Variants in CDH13 observed in about 807,000 individuals in gnomAD.
CDH13 encodes the protein cadherin-13.
CDH13 carries 24 observed loss-of-function variants against 63.8 expected under a neutral mutation model. The ratio of observed to expected loss-of-function variants is 0.38; its 90% CI spans 0.27 to 0.53. The LOEUF is 0.53. Ranked by LOEUF, CDH13 falls within the 20% of genes least tolerant of loss-of-function variation. The probability of loss-of-function intolerance (pLI) is 0.85; values close to 1 mark genes in which losing one functional copy is unlikely to be tolerated. For missense variants in CDH13, 1,049 were observed against 903.1 expected, an observed-to-expected ratio of 1.16 and a Z score of -2.07; for synonymous variants, 503 against 355.3, an observed-to-expected ratio of 1.42 and a Z score of -4.67.
chr16:83,684,882 A>T (rs1019303496), intron 10 of CDH13, among the ~76,000 whole-genome samples: 1 of 150,636 alleles, frequency 6.6e-6, no homozygotes, highest in East Asian at 1.9e-4. Flanking sequence ...ACGGAAGTTG[A>T]TTTTTTTTTT....
At chr16:82,658,047 C>G (rs146115455) in intron 1 of CDH13, among the ~76,000 whole-genome samples, 79 of 152,232 alleles carry the variant, frequency 5.2e-4, no homozygotes, top group African/African-American at 1.7e-3. Flanking sequence ...TAGTTGTAGG[C>G]TTTTTGTAGT....
intron 5 of CDH13, among the ~76,000 whole-genome samples, chr16:83,284,671 CAT>C (rs1191549280): frequency 1.3e-5 from 2 of 151,814 alleles, no homozygotes; most frequent in African/African-American, 4.8e-5. Flanking sequence ...CATAACATAA[CAT>C]AGCGTAATAT....
intron 13 of CDH13, chr16:83,790,205 C>G (rs1916168254): frequency 6.6e-6 from 1 of 152,160 alleles, no homozygotes; most frequent in Admixed American, 6.6e-5. Context: ...GACTGCCTCC[C>G]TTACAGAAAA....
At chr16:83,289,379 T>C (rs549188100) in intron 5 of CDH13, among the ~76,000 whole-genome samples, 73 of 152,308 alleles carry the variant, frequency 4.8e-4, no homozygotes, top group African/African-American at 1.5e-3. Context: ...ACTGTGGGTG[T>C]ACATCACAAT....
intron 3 of CDH13, among the ~76,000 whole-genome samples, chr16:83,113,342 C>G (rs2035152046): frequency 6.6e-6 from 1 of 152,232 alleles, no homozygotes; most frequent in Non-Finnish European, 1.5e-5. Flanking sequence ...AATCGTGGAG[C>G]AAATACTCTG....
intron 8 of CDH13, among the ~76,000 whole-genome samples, chr16:83,658,805 C>T (rs1481246080): frequency 6.9e-5 from 10 of 145,162 alleles, no homozygotes; most frequent in Non-Finnish European, 6.0e-5. Flanking sequence ...ACCACCAGGT[C>T]CCATATCCTC....
chr16:82,978,297 A>G (rs930283240), intron 2 of CDH13, among the ~76,000 whole-genome samples: 3 of 152,364 alleles, frequency 2.0e-5, no homozygotes, highest in Admixed American at 6.5e-5. Flanking sequence ...AGAAAAACCT[A>G]TTTTATGGGG....
intron 1 of CDH13, among the ~76,000 whole-genome samples, chr16:82,804,351 T>G (rs2037039527): frequency 6.6e-6 from 1 of 150,762 alleles, no homozygotes; most frequent in African/African-American, 2.5e-5. Flanking sequence ...AATGAAGCTT[T>G]TAGAGGTGAT....
intron 3 of CDH13, among the ~76,000 whole-genome samples, chr16:83,092,420 T>C (rs1242566880): frequency 6.6e-6 from 1 of 152,222 alleles, no homozygotes; most frequent in East Asian, 1.9e-4. Context: ...TCTTAGATGA[T>C]TAAAACAAGG....
At chr16:83,226,178 G>C (rs910817773) in intron 5 of CDH13, among the ~76,000 whole-genome samples, 1 of 152,064 alleles carries the variant, frequency 6.6e-6, no homozygotes, top group African/African-American at 2.4e-5. Flanking sequence ...TCGTCTCTTC[G>C]TATTTCCAAG....
intron 1 of CDH13, among the ~76,000 whole-genome samples, chr16:82,831,184 A>T (rs2038525158): frequency 6.6e-6 from 1 of 152,148 alleles, no homozygotes; most frequent in Non-Finnish European, 1.5e-5. Flanking sequence ...GATGATTTGC[A>T]TACACAGTGG....
chr16:82,878,973 T>A (rs928534832), intron 2 of CDH13, among the ~76,000 whole-genome samples: 1 of 152,132 alleles, frequency 6.6e-6, no homozygotes, highest in African/African-American at 2.4e-5. Context: ...AGTTTCCCTG[T>A]TTGCTGATGT....
intron 7 of CDH13, among the ~76,000 whole-genome samples, chr16:83,588,335 G>A (rs1906379454): frequency 6.6e-6 from 1 of 152,192 alleles, no homozygotes; most frequent in Non-Finnish European, 1.5e-5. Flanking sequence ...AGAGCAACCT[G>A]AGGCCAAATT....
At chr16:83,781,268 T>C (rs1479817871) in intron 12 of CDH13, among the ~76,000 whole-genome samples, 1 of 152,176 alleles carries the variant, frequency 6.6e-6, no homozygotes, top group East Asian at 1.9e-4. Context: ...ACCCACTTTC[T>C]TCCCCAAATG....
At chr16:82,766,296 C>T (rs776228341) in intron 1 of CDH13, among the ~76,000 whole-genome samples, 6 of 152,092 alleles carry the variant, frequency 3.9e-5, no homozygotes, top group Non-Finnish European at 7.4e-5. Context: ...CCCGTAAATC[C>T]GTAGCTGATA....
rs550380264 is a variant in CDH13 at position 83,475,695 on chromosome 16, C to G, written c.782-10782C>G. Among the ~76,000 whole-genome samples, 3 of 152,288 alleles carry G rather than the reference C, an allele frequency of 2.0e-5. No homozygotes were observed. The East Asian group carries it at 5.8e-4, about 29-fold the overall frequency. Reference sequence around the variant, plus strand: ...CTCTCGTGTTCAAGCAGTTCTCACACCTCAGCCTCCCCAGTAACTAGGATT... The same window carrying G: ...CTCTCGTGTTCAAGCAGTTCTCACAGCTCAGCCTCCCCAGTAACTAGGATT... On this transcript the variant is annotated intron_variant, in intron 6 of 13. Transcript: ENST00000567109.
chr16:83,132,865 A>G (rs1370863259), intron 4 of CDH13, among the ~76,000 whole-genome samples: 1 of 152,214 alleles, frequency 6.6e-6, no homozygotes, highest in Non-Finnish European at 1.5e-5. Flanking sequence ...TGAGATGAAC[A>G]TCACAGTTTA....
intron 2 of CDH13, among the ~76,000 whole-genome samples, chr16:82,995,154 G>T (rs1157526527): frequency 1.3e-5 from 2 of 152,174 alleles, no homozygotes; most frequent in African/African-American, 4.8e-5. Context: ...GGGATGGAGA[G>T]ACCCCAACTA....
chr16:83,195,404 C>T lies in CDH13; in HGVS notation c.484-21941C>T, dbSNP rs897283612. 4.0e-4 allele frequency among the ~76,000 whole-genome samples: 61 copies of T among 152,124 alleles called. 2 individuals are homozygous for T. Among genetic ancestry groups the T allele is most frequent in the Non-Finnish European group, 7.4e-5 (5 of 68,024 alleles). On this transcript the variant is annotated intron_variant, in intron 4 of 13. Transcript: ENST00000567109. ...GCTGTCCAGGAAGCAGAGTAAGCAG[C>T]TTCTGCTTCTGGGATGGCCTCAGGG...
Sources: allele counts gnomAD v4.1 joint callset (sites outside exome capture counted in the v4.1 genomes callset), GRCh38; gene constraint gnomAD v4.1.1; transcripts MANE v1.5; gene names NCBI Gene and HGNC (gene_info 2026-07-23, HGNC 2026-07-21).